The following TPST1 variants were observed in gnomAD, a reference collection of about 807,000 sequenced individuals.
TPST1 encodes the protein protein-tyrosine sulfotransferase 1.
A neutral mutation model predicts 34.8 loss-of-function variants in TPST1; 20 were observed. That is an observed-to-expected ratio of 0.57 (90% CI 0.40 to 0.84). The LOEUF (loss-of-function observed/expected upper bound fraction) is 0.84. Among genes scored for constraint, TPST1 ranks in the 40% least tolerant of loss-of-function variants. TPST1 has a pLI of 0.00. For missense variants in TPST1, 353 were observed against 455.5 expected (o/e 0.78, Z 2.05); for synonymous variants, 152 against 159.4 (o/e 0.95, Z 0.35).
intron 3 of TPST1, among the ~76,000 whole-genome samples, chr7:66,303,063 C>T (rs1791349522): frequency 6.6e-6 from 1 of 152,208 alleles, no homozygotes; most frequent in Non-Finnish European, 1.5e-5. Flanking sequence ...ACTCACATGA[C>T]ACCTCTTCTG....
intron 3 of TPST1, among the ~76,000 whole-genome samples, chr7:66,339,833 T>TAAAAAAAAAAAAAAAAA (rs71526540): frequency 1.8e-5 from 2 of 112,490 alleles, no homozygotes; most frequent in Admixed American, 9.7e-5. Flanking sequence ...CCCCTCAACC[T>TAAAAAAAAAAAAAAAAA]AAAAAAAAAA....
At chr7:66,320,531 G>A (rs1170830999) in intron 3 of TPST1, among the ~76,000 whole-genome samples, 1 of 151,836 alleles carries the variant, frequency 6.6e-6, no homozygotes, top group Non-Finnish European at 1.5e-5. Context: ...ACAGGCGTGA[G>A]CCACCGCGCC....
intron 2 of TPST1, 132 bp from the exon 3 acceptor site, chr7:66,286,379 T>A (rs1791033785): frequency 1.6e-6 from 1 of 624,446 alleles, no homozygotes; most frequent in South Asian, 4.8e-5. Flanking sequence ...CAAACCTGAT[T>A]AGTGCCCTCT....
intron 3 of TPST1, among the ~76,000 whole-genome samples, chr7:66,311,803 C>T (rs1405135548): frequency 1.3e-5 from 2 of 152,186 alleles, no homozygotes; most frequent in African/African-American, 4.8e-5. Context: ...AATTTGTCCA[C>T]AGGACGAGGC....
chr7:66,251,165 T>A (rs1408922988), intron 2 of TPST1, among the ~76,000 whole-genome samples: 1 of 152,178 alleles, frequency 6.6e-6, no homozygotes, highest in Non-Finnish European at 1.5e-5. Flanking sequence ...CGTGAGGATT[T>A]AGTTAGAATG....
the TPST1 span, among the ~76,000 whole-genome samples, chr7:66,200,188 C>T: frequency 6.6e-6 from 1 of 152,178 alleles, no homozygotes; most frequent in African/African-American, 2.4e-5. Context: ...AGTCCTCACT[C>T]ATCCTTGGCC....
At chr7:66,350,481 A>C (rs1015962517) in intron 3 of TPST1, among the ~76,000 whole-genome samples, 1 of 151,918 alleles carries the variant, frequency 6.6e-6, no homozygotes, top group African/African-American at 2.4e-5. Flanking sequence ...TACCTTATCT[A>C]TAAGCCTTGT....
intron 1 of TPST1, among the ~76,000 whole-genome samples, chr7:66,208,420 T>G (rs1789175486): frequency 6.6e-6 from 1 of 152,128 alleles, no homozygotes; most frequent in Non-Finnish European, 1.5e-5. Context: ...TCTTTGTGTT[T>G]CCACAGCACC....
intron 2 of TPST1, among the ~76,000 whole-genome samples, chr7:66,281,257 T>C (rs559013720): frequency 2.0e-5 from 3 of 152,288 alleles, no homozygotes; most frequent in Admixed American, 2.0e-4. Context: ...TTTTTGCATC[T>C]GTGTTCATCA....
chr7:66,213,509 A>G (rs1789309465), intron 1 of TPST1, among the ~76,000 whole-genome samples: 1 of 152,204 alleles, frequency 6.6e-6, no homozygotes, highest in Non-Finnish European at 1.5e-5. Context: ...TAATCCCAGC[A>G]CTTTGGGAGG....
At chr7:66,229,255 C>T (rs1235779984) in intron 1 of TPST1, among the ~76,000 whole-genome samples, 3 of 152,152 alleles carry the variant, frequency 2.0e-5, no homozygotes, top group African/African-American at 7.2e-5. Flanking sequence ...GGACTACAGG[C>T]ACCCGCCACC....
At chr7:66,255,095 G>A (rs1203489432) in intron 2 of TPST1, among the ~76,000 whole-genome samples, 16 of 150,608 alleles carry the variant, frequency 1.1e-4, no homozygotes, top group South Asian at 6.3e-4. Context: ...TGCAGTGAGC[G>A]GAGATCATGC....
upstream of TPST1, among the ~76,000 whole-genome samples, chr7:66,204,083 A>T (rs1366007279): frequency 1.3e-5 from 2 of 151,952 alleles, no homozygotes; most frequent in Non-Finnish European, 2.9e-5. Flanking sequence ...AGGCGGAGGC[A>T]TGAGAATCAC....
At chr7:66,213,323 T>G (rs757370041) in intron 1 of TPST1, among the ~76,000 whole-genome samples, 9 of 152,234 alleles carry the variant, frequency 5.9e-5, no homozygotes, top group African/African-American at 9.6e-5. Flanking sequence ...TTATATTCAT[T>G]CTGCTGTTGA....
At chr7:66,349,300 C>T (rs1018343000) in intron 3 of TPST1, among the ~76,000 whole-genome samples, 4 of 152,070 alleles carry the variant, frequency 2.6e-5, no homozygotes, top group Non-Finnish European at 5.9e-5. Flanking sequence ...GGCTGGGCGC[C>T]GTGGCTCACA....
chr7:66,209,579 TC>T (rs1432784092), intron 1 of TPST1, among the ~76,000 whole-genome samples: 1 of 152,224 alleles, frequency 6.6e-6, no homozygotes, highest in Non-Finnish European at 1.5e-5. Context: ...TTTATGTTTC[TC>T]TTTCTCCGTG....
At chr7:66,280,815 C>T (rs1790918653) in intron 2 of TPST1, among the ~76,000 whole-genome samples, 1 of 152,136 alleles carries the variant, frequency 6.6e-6, no homozygotes, top group Admixed American at 6.5e-5. Context: ...GCTGAAATTG[C>T]TCTTATTGAA....
intron 3 of TPST1, among the ~76,000 whole-genome samples, chr7:66,334,925 G>C (rs1792066018): frequency 6.6e-6 from 1 of 152,192 alleles, no homozygotes; most frequent in Non-Finnish European, 1.5e-5. Flanking sequence ...GGGAGAGCCA[G>C]GAGAGCTGAA....
chr7:66,247,486 G>A (rs1790172260), intron 2 of TPST1, among the ~76,000 whole-genome samples: 1 of 152,130 alleles, frequency 6.6e-6, no homozygotes, highest in Non-Finnish European at 1.5e-5. Flanking sequence ...CCCAGTCTGA[G>A]GTGTTCAGAG....
Sources: allele counts gnomAD v4.1 joint callset (sites outside exome capture counted in the v4.1 genomes callset), GRCh38; gene constraint gnomAD v4.1.1; transcripts MANE v1.5; gene names NCBI Gene and HGNC (gene_info 2026-07-23, HGNC 2026-07-21).